Variants in EBLN1 observed in about 807,000 individuals in gnomAD.
The protein encoded by EBLN1 is endogenous Bornavirus-like nucleoprotein 1.
In EBLN1, 1 loss-of-function variant was observed where a neutral mutation model predicts 0.8. The ratio of observed to expected loss-of-function variants is 1.32; its 90% CI spans 0.47 to 6.26. EBLN1 has a LOEUF of 6.26. EBLN1 is among the 30% of genes most tolerant of loss of function. The pLI is 0.15. For synonymous variants in EBLN1, 158 were observed against 158.5 expected (o/e 1.00, Z 0.02); for missense variants, 396 against 447.9 (o/e 0.88, Z 1.05).
chr10:22,217,872 C>T (rs531363083), intron 1 of EBLN1, among the ~76,000 whole-genome samples, 44 bp downstream of exon 1: 9 of 152,234 alleles, frequency 5.9e-5, no homozygotes, highest in Middle Eastern at 3.4e-3. Context: ...ATATACTACC[C>T]GAGACTGAGT....
chr10:22,214,663 A>T (rs1834777882), intron 1 of EBLN1, among the ~76,000 whole-genome samples: 1 of 152,138 alleles, frequency 6.6e-6, no homozygotes, highest in African/African-American at 2.4e-5. Flanking sequence ...CCTCATACAA[A>T]TCTTTAAGAA....
rs114877183 is a variant in EBLN1 at position 22,211,210 on chromosome 10, G to T, written c.-44-1183C>A. ...TCTTAACTGTCTTGTTCCAAATATA[G>T]GCTTTTGATTTGGGTGGTAAGTTGT... is the stretch of plus-strand genomic sequence containing the variant. On this transcript the variant is annotated intron_variant, in intron 2 of 2. Transcript: ENST00000422359. Among the ~76,000 whole-genome samples, 979 of 152,098 alleles carry T rather than the reference G, an allele frequency of 6.4e-3. 6 individuals are homozygous for T. Among genetic ancestry groups the T allele is most frequent in the African/African-American group, 0.022 (926 of 41,474 alleles).
intron 1 of EBLN1, among the ~76,000 whole-genome samples, chr10:22,214,823 C>T (rs1834778979): frequency 6.6e-6 from 1 of 152,078 alleles, no homozygotes; most frequent in Admixed American, 6.6e-5. Flanking sequence ...TGTGTCCACC[C>T]CAAAACCTGT....
Position 22,209,784 on chromosome 10 carries a change from G to T in EBLN1, c.200C>A (p.Ala67Glu), listed in dbSNP as rs900830622. 6.5e-7 allele frequency: 1 copy of T among 1,535,858 alleles called. No individual in the cohort carries two copies. The highest frequency in any genetic ancestry group is 2.4e-5 in the East Asian group (1 of 40,906). The change falls in exon 3 of 3, where the codon GCA (alanine) becomes GAA (glutamate). Residue 67 changes from alanine (A) to glutamate (E), a missense_variant. Physicochemically the swap from Ala to Glu is moderately radical, Grantham distance 107 (BLOSUM62 -1). Coordinates refer to ENST00000422359, the MANE Select transcript of EBLN1 (RefSeq NM_001394757.1). ...TACAAGGTAAAAATGAGATCTCTGT[G>T]CTGGGTCTAGCATAGACTTAGTTGC... ...EKATKSMLDP[A>E]QRSHFYLVTP...
chr10:22,209,097 T>C lies in EBLN1; in HGVS notation c.887A>G (p.Gln296Arg). The change falls in exon 3 of 3, where the codon CAA (glutamine) becomes CGA (arginine). Residue 296 changes from glutamine (Q) to arginine (R), a missense_variant. By Grantham distance (43) the Gln-to-Arg change is conservative. Coordinates refer to ENST00000422359, the MANE Select transcript of EBLN1 (RefSeq NM_001394757.1). ...TGCTGTTGCTAGGTTTGGGAACATT[T>C]GTGGTGATAGCACCCCAATAACAGG... The part of the protein sequence containing the change: ...RHPVIGVLSP[Q>R]MFPNLATAAN... 6.5e-7 allele frequency: 1 copy of C among 1,536,592 alleles called. No individual in the cohort carries two copies. Among genetic ancestry groups the C allele is most frequent in the Non-Finnish European group, 8.7e-7 (1 of 1,146,914 alleles).
rs1834715636 is a variant in EBLN1 at position 22,208,777 on chromosome 10, C to G, written c.*106G>C. On this transcript the variant is annotated 3_prime_UTR_variant, in exon 3 of 3. Coordinates refer to ENST00000422359, the MANE Select transcript of EBLN1 (RefSeq NM_001394757.1). Reference sequence around the variant, plus strand: ...GAGAAGTTGCGATAGATGTCAGAGACAGACCAAGATTGAAAACAATAGGCA... The same window carrying G: ...GAGAAGTTGCGATAGATGTCAGAGAGAGACCAAGATTGAAAACAATAGGCA... 2.4e-6 allele frequency: 3 copies of G among 1,237,736 alleles called. No individual in the cohort carries two copies. The highest frequency in any genetic ancestry group is 2.2e-6 in the Non-Finnish European group (2 of 927,954). 76.7% of individuals were successfully genotyped at this position (1,237,736 alleles called of 1,614,324 possible).
At chr10:22,216,126 A>C (rs1834790416) in intron 1 of EBLN1, among the ~76,000 whole-genome samples, 1 of 152,120 alleles carries the variant, frequency 6.6e-6, no homozygotes, top group Admixed American at 6.5e-5. Flanking sequence ...TATTCAGAGA[A>C]GAGTTTCAGA....
chr10:22,209,726 G>A lies in EBLN1; in HGVS notation c.258C>T (p.Phe86=), dbSNP rs908114040. The change falls in exon 3 of 3, where the codon TTC becomes TTT. Residue 86 remains phenylalanine, a synonymous_variant. Coordinates refer to ENST00000422359, the MANE Select transcript of EBLN1 (RefSeq NM_001394757.1). The part of the protein sequence containing the change: ...TPSLVFLCFI[F]DGLHKALLSV... Reference sequence around the variant, plus strand: ...TGAGTAGTGCCTTGTGTAATCCATCGAATATAAAACACAAAAATACTAAGC... The same window carrying A: ...TGAGTAGTGCCTTGTGTAATCCATCAAATATAAAACACAAAAATACTAAGC... 1.3e-5 allele frequency: 20 copies of A among 1,535,586 alleles called. No homozygotes were observed. The East Asian group carries it at 1.7e-4, about 13-fold the overall frequency.
At chr10:22,215,184 T>C (rs1298272484) in intron 1 of EBLN1, among the ~76,000 whole-genome samples, 1 of 152,184 alleles carries the variant, frequency 6.6e-6, no homozygotes, top group African/African-American at 2.4e-5. Flanking sequence ...ACATGATTCC[T>C]TGTTGGAGTG....
chr10:22,216,476 A>C (rs1477054583), intron 1 of EBLN1, among the ~76,000 whole-genome samples: 1 of 152,146 alleles, frequency 6.6e-6, no homozygotes, highest in Non-Finnish European at 1.5e-5. Flanking sequence ...CAGGGCAACA[A>C]CCTCTTTAAG....
At chr10:22,214,864 AC>A in intron 1 of EBLN1, among the ~76,000 whole-genome samples, 1 of 152,314 alleles carries the variant, frequency 6.6e-6, no homozygotes, top group Admixed American at 6.5e-5. Context: ...ATTATTTATA[AC>A]AGTCAAAAAG....
Position 22,208,752 on chromosome 10 carries a change from G to A in EBLN1, c.*131C>T. The A allele has an allele frequency of 2.1e-6, 2 of 938,174 alleles. No homozygotes were observed. The highest frequency in any genetic ancestry group is 3.2e-4 in the Middle Eastern group (1 of 3,154). 58.1% of individuals were successfully genotyped at this position (938,174 alleles called of 1,614,324 possible). ...CTCTTTTAAAGAATAAAAGATTATA[G>A]AGAAGTTGCGATAGATGTCAGAGAC... On this transcript the variant is annotated 3_prime_UTR_variant, in exon 3 of 3. Transcript: ENST00000422359.
Position 22,209,276 on chromosome 10 carries a change from G to A in EBLN1, c.708C>T (p.Thr236=). The stretch of plus-strand genomic sequence containing the variant: ...CCAGGAACATTCTCACAGTGTAGTA[G>A]GTCATCATCTGTGCTTTGCTGGCAA... ...KVVASKAQMM[T]YYTVRMFLDQ... is the part of the protein sequence containing the mutation. The change falls in exon 3 of 3, where the codon ACC becomes ACT. Residue 236 remains threonine (T), a synonymous_variant. Transcript: ENST00000422359. The A allele has an allele frequency of 1.0e-5, 16 of 1,588,468 alleles. No individual in the cohort carries two copies. The highest frequency in any genetic ancestry group is 1.3e-5 in the Non-Finnish European group (15 of 1,174,660).
chr10:22,209,526 G>A lies in EBLN1; in HGVS notation c.458C>T (p.Pro153Leu), dbSNP rs751249801. The change falls in exon 3 of 3, where the codon CCG becomes CTG. Residue 153 changes from proline (P) to leucine (L), a missense_variant. Physicochemically the swap from Pro to Leu is moderately conservative, Grantham distance 98. Coordinates refer to ENST00000422359, the MANE Select transcript of EBLN1 (RefSeq NM_001394757.1). ...TACTTGGAGGCTGTTGGTGCATATC[G>A]GGTCACTCGATCCGGCAGCAATGCC... ...LIGIAAGSSDPICTNSLQVQR... is the reference protein window; with the variant it reads ...LIGIAAGSSDLICTNSLQVQR... The A allele has an allele frequency of 1.2e-5, 19 of 1,574,480 alleles. No individual in the cohort carries two copies. In the Admixed American group the frequency reaches 1.3e-4, roughly 10 times the overall value.
intron 2 of EBLN1, 40 bp from the exon 3 acceptor site, chr10:22,210,067 T>G (rs1233963903): frequency 6.6e-5 from 83 of 1,254,148 alleles, no homozygotes; most frequent in Non-Finnish European, 7.1e-6. Flanking sequence ...CAAAATATTT[T>G]TAAATTACAT....
At chr10:22,214,353 G>A (rs980649273) in intron 1 of EBLN1, among the ~76,000 whole-genome samples, 2 of 146,356 alleles carry the variant, frequency 1.4e-5, no homozygotes, top group Admixed American at 6.9e-5. Context: ...AGGCTGCAGT[G>A]TAGTGACACC....
At chr10:22,210,467 A>G (rs1405230424) in intron 2 of EBLN1, among the ~76,000 whole-genome samples, 1 of 152,202 alleles carries the variant, frequency 6.6e-6, no homozygotes, top group African/African-American at 2.4e-5. Context: ...TTGTCTGACA[A>G]TTCTTACGCA....
At chr10:22,212,531 T>C (rs1373561867) in intron 2 of EBLN1, among the ~76,000 whole-genome samples, 2 of 152,194 alleles carry the variant, frequency 1.3e-5, no homozygotes, top group East Asian at 3.8e-4. Context: ...ATTAGGAAGC[T>C]TTTCTTCTCA....
At chr10:22,215,423 A>C (rs1834784836) in intron 1 of EBLN1, among the ~76,000 whole-genome samples, 1 of 152,186 alleles carries the variant, frequency 6.6e-6, no homozygotes, top group Non-Finnish European at 1.5e-5. Context: ...ATCACAGAAG[A>C]AAGCAAGTTA....
Sources: allele counts gnomAD v4.1 joint callset (sites outside exome capture counted in the v4.1 genomes callset), GRCh38; gene constraint gnomAD v4.1.1; transcripts MANE v1.5; gene names NCBI Gene and HGNC (gene_info 2026-07-23, HGNC 2026-07-21).